TTC23L: variants seen among roughly 807,000 people sequenced by gnomAD.
The protein encoded by TTC23L is tetratricopeptide repeat domain 23 like, also known as tetratricopeptide repeat protein 23-like.
Under a neutral mutation model 48.1 loss-of-function variants are expected in TTC23L, and 42 were observed. That is an observed-to-expected ratio of 0.87 (90% confidence interval 0.68 to 1.13). The LOEUF is 1.13. Among genes scored for constraint, TTC23L ranks in the 50% most tolerant of loss-of-function variants. TTC23L has a pLI of 0.00. For missense variants in TTC23L, 391 were observed against 421.0 expected, an observed-to-expected ratio of 0.93 and a Z score of 0.62; for synonymous variants, 159 against 157.2, an observed-to-expected ratio of 1.01 and a Z score of -0.09.
intron 10 of TTC23L, among the ~76,000 whole-genome samples, chr5:34,897,849 C>A (rs143275036): frequency 1.2e-3 from 189 of 152,270 alleles, no homozygotes; most frequent in African/African-American, 4.3e-3. Context: ...CACTTTAGGA[C>A]ATAAAGTCTT....
At chr5:34,921,907 CAAAA>C in the TTC23L span, 62 of 35,354 alleles carry the variant, frequency 1.8e-3, no homozygotes, top group Middle Eastern at 0.014. Context: ...AACTGCATCG[CAAAA>C]AAAAAAAAAA....
chr5:34,890,441 CAAAAAAAAA>C (rs57798773), intron 9 of TTC23L, among the ~76,000 whole-genome samples: 1 of 56,674 alleles, frequency 1.8e-5, no homozygotes, highest in African/African-American at 8.3e-5. Flanking sequence ...GACCCTGTCT[CAAAAAAAAA>C]AAAAAAAAAA....
At chr5:34,893,344 A>G (rs886589636) in intron 9 of TTC23L, among the ~76,000 whole-genome samples, 1 of 152,202 alleles carries the variant, frequency 6.6e-6, no homozygotes, top group Admixed American at 6.5e-5. Flanking sequence ...TATGTTTGCA[A>G]TACCCACAAT....
At chr5:34,861,711 A>AG (rs1760674972) in intron 4 of TTC23L, among the ~76,000 whole-genome samples, 1 of 152,200 alleles carries the variant, frequency 6.6e-6, no homozygotes, top group Non-Finnish European at 1.5e-5. Flanking sequence ...CTGTGAAACT[A>AG]GGCTTCAGGA....
At chr5:34,922,470 T>G in the TTC23L span, 1 of 1,008,222 alleles carries the variant, frequency 9.9e-7, no homozygotes, top group Non-Finnish European at 1.5e-6. Context: ...ATATTATTTA[T>G]GGTGAATAGG....
At chr5:34,868,372 CTTTCTCT>C (rs1761212207) in intron 7 of TTC23L, 1 of 152,990 alleles carries the variant, frequency 6.5e-6, no homozygotes, top group South Asian at 2.0e-4. Context: ...ATGTTTTTCT[CTTTCTCT>C]TTTCTAAGTG....
the TTC23L span, chr5:34,915,721 C>G: frequency 3.1e-6 from 5 of 1,589,610 alleles, no homozygotes; most frequent in South Asian, 3.4e-5. Context: ...AGGCCAAGAG[C>G]GCGGGCGGCG....
At chr5:34,889,169 C>A (rs565851840) in intron 9 of TTC23L, among the ~76,000 whole-genome samples, 1 of 152,200 alleles carries the variant, frequency 6.6e-6, no homozygotes, top group South Asian at 2.1e-4. Context: ...TGAATTTATA[C>A]CAAATTCATA....
At chr5:34,920,055 C>A in the TTC23L span, 1 of 435,036 alleles carries the variant, frequency 2.3e-6, no homozygotes, top group East Asian at 4.0e-5. Context: ...CAGTTTAGTG[C>A]TTCATTCATT....
chr5:34,873,550 G>T (rs1322717388), intron 8 of TTC23L, among the ~76,000 whole-genome samples: 2 of 152,110 alleles, frequency 1.3e-5, no homozygotes, highest in African/African-American at 4.8e-5. Flanking sequence ...TGATGAAAGG[G>T]ATAAAAACAC....
At chr5:34,846,871 G>T (rs896239428) in intron 3 of TTC23L, among the ~76,000 whole-genome samples, 1 of 151,964 alleles carries the variant, frequency 6.6e-6, no homozygotes, top group African/African-American at 2.4e-5. Context: ...ACAAACCAAA[G>T]GGCCAGAAAC....
the TTC23L span, chr5:34,914,499 C>T: frequency 5.0e-6 from 3 of 600,664 alleles, no homozygotes; most frequent in Admixed American, 6.2e-5. Context: ...AATTTGTTAC[C>T]GGGAGAGAAA....
chr5:34,867,150 T>C (rs1423401223), intron 7 of TTC23L, 81 bp downstream of exon 7: 7 of 1,383,130 alleles, frequency 5.1e-6, no homozygotes, highest in Admixed American at 2.0e-5. Flanking sequence ...AAGCATGGGC[T>C]TCTCAGAAGA....
the TTC23L span, chr5:34,915,850 G>A: frequency 6.4e-7 from 1 of 1,566,418 alleles, no homozygotes; most frequent in Non-Finnish European, 8.7e-7. Context: ...CACAGCAGAG[G>A]AGGTGGAGGA....
intron 8 of TTC23L, among the ~76,000 whole-genome samples, chr5:34,878,066 T>C (rs1055666657): frequency 4.6e-5 from 7 of 152,150 alleles, no homozygotes; most frequent in African/African-American, 1.7e-4. Context: ...TTTAAAACAA[T>C]ACCATTTACA....
chr5:34,893,625 GCA>G (rs1253714059), intron 9 of TTC23L, among the ~76,000 whole-genome samples: 1 of 152,154 alleles, frequency 6.6e-6, no homozygotes, highest in Admixed American at 6.5e-5. Flanking sequence ...CTGTGAAAAT[GCA>G]CAGAAATAGA....
At chr5:34,898,085 T>C (rs1394557013) in intron 10 of TTC23L, among the ~76,000 whole-genome samples, 1 of 152,174 alleles carries the variant, frequency 6.6e-6, no homozygotes, top group African/African-American at 2.4e-5. Flanking sequence ...TCAGTGTTGT[T>C]GTGAGAATAA....
chr5:34,845,962 C>T (rs144742276), intron 3 of TTC23L, among the ~76,000 whole-genome samples: 506 of 152,130 alleles, frequency 3.3e-3, no homozygotes, highest in African/African-American at 0.012. Context: ...CTTGGAAAAC[C>T]GAGGCGGGAG....
intron 8 of TTC23L, chr5:34,869,463 G>A: frequency 6.1e-6 from 1 of 163,134 alleles, no homozygotes; most frequent in Admixed American, 5.7e-5. Flanking sequence ...TAGATACTGG[G>A]GGTTGCAGAG....
Sources: gnomAD v4.1 joint callset for allele counts (sites outside exome capture counted in the v4.1 genomes callset) on GRCh38, gnomAD v4.1.1 for gene constraint, MANE v1.5 for transcripts, NCBI Gene and HGNC (gene_info 2026-07-23, HGNC 2026-07-21) for gene names.